NIBAN1: variants seen among roughly 807,000 people sequenced by gnomAD.
NIBAN1 encodes protein Niban 1.
In NIBAN1, 81 loss-of-function variants were observed where a neutral mutation model predicts 75.1. That is an observed-to-expected ratio of 1.08 (90% CI 0.90 to 1.30). NIBAN1 has a LOEUF of 1.30. Ranked by LOEUF, NIBAN1 falls within the 50% of genes most tolerant of loss-of-function variation. The pLI is 0.00. For synonymous variants in NIBAN1, 436 were observed against 424.8 expected, an observed-to-expected ratio of 1.03 and a Z score of -0.32; for missense variants, 1,133 against 1,128.1, an observed-to-expected ratio of 1.00 and a Z score of -0.06.
chr1:184,970,449 C>T (rs551739345), intron 1 of NIBAN1, among the ~76,000 whole-genome samples: 84 of 152,320 alleles, frequency 5.5e-4, no homozygotes, highest in African/African-American at 1.9e-3. Context: ...TCTCCCCATC[C>T]TCCACCTTGC....
At chr1:184,915,825 T>C (rs1407457298) in intron 1 of NIBAN1, among the ~76,000 whole-genome samples, 1 of 152,228 alleles carries the variant, frequency 6.6e-6, no homozygotes, top group African/African-American at 2.4e-5. Flanking sequence ...AAAGGCTTCC[T>C]TAATGTCAGG....
At chr1:184,947,685 G>T (rs1053671709) in intron 1 of NIBAN1, among the ~76,000 whole-genome samples, 4 of 152,254 alleles carry the variant, frequency 2.6e-5, no homozygotes, top group African/African-American at 9.6e-5. Context: ...GCCAGAGAGA[G>T]CTGGCTGGGC....
chr1:184,930,997 C>CTT lies in NIBAN1; in HGVS notation c.56-31690_56-31689dup, dbSNP rs200932673. Among the ~76,000 whole-genome samples the CTT allele has an allele frequency of 3.9e-4, 45 of 114,516 alleles. 1 individual carries two copies. The highest frequency in any genetic ancestry group is 1.5e-3 in the South Asian group (6 of 4,070). 75.1% of individuals were successfully genotyped at this position (114,516 alleles called of 152,430 possible). ...GTTTCTAAGTGCACTTTTTCTTCTT[C>CTT]TTTTTTTTTTTTTTTTTTTTGAGAC... On this transcript the variant is annotated intron_variant, in intron 1 of 13. Coordinates refer to ENST00000367511, the MANE Select transcript of NIBAN1 (RefSeq NM_052966.4).
chr1:184,841,594 G>A (rs184800465), intron 5 of NIBAN1, among the ~76,000 whole-genome samples: 198 of 152,342 alleles, frequency 1.3e-3, no homozygotes, highest in African/African-American at 4.5e-3. Context: ...TTATCTATAC[G>A]AAGATCTTCA....
At chr1:184,807,275 G>A (rs187084710) in intron 10 of NIBAN1, among the ~76,000 whole-genome samples, 1 of 151,130 alleles carries the variant, frequency 6.6e-6, no homozygotes, top group Admixed American at 6.6e-5. Context: ...AATACGGAAG[G>A]AGTTTGTGCT....
chr1:184,902,806 C>CTCTCT (rs1184972544), intron 1 of NIBAN1, among the ~76,000 whole-genome samples: 1 of 152,328 alleles, frequency 6.6e-6, no homozygotes, highest in African/African-American at 2.4e-5. Flanking sequence ...CATTGAGCTT[C>CTCTCT]TCTCTCTGAG....
chr1:184,889,031 T>C (rs1358723861), intron 4 of NIBAN1, among the ~76,000 whole-genome samples: 1 of 152,236 alleles, frequency 6.6e-6, no homozygotes. Context: ...CCATAAATTC[T>C]AATGAAATTA....
At chr1:184,967,680 A>G (rs1658831928) in intron 1 of NIBAN1, among the ~76,000 whole-genome samples, 1 of 152,218 alleles carries the variant, frequency 6.6e-6, no homozygotes, top group African/African-American at 2.4e-5. Flanking sequence ...AGTAGTTACT[A>G]TTACTAGAGC....
chr1:184,794,887 T>TG lies in NIBAN1; in HGVS notation c.*89_*90insC. The TG allele has an allele frequency of 1.3e-6, 2 of 1,567,210 alleles. No individual in the cohort carries two copies. The highest frequency in any genetic ancestry group is 1.7e-6 in the Non-Finnish European group (2 of 1,151,084). On this transcript the variant is annotated 3_prime_UTR_variant, in exon 14 of 14. Transcript: ENST00000367511. ...TCAAATTAAGAAAATACTTAAAAAT[T>TG]TTTTGGTAACAGCTTGCATGCAACC...
intron 5 of NIBAN1, among the ~76,000 whole-genome samples, chr1:184,872,985 C>T (rs183986582): frequency 1.6e-4 from 25 of 152,148 alleles, no homozygotes; most frequent in Non-Finnish European, 4.4e-5. Context: ...GGAAAGAAAG[C>T]AATCAAATTA....
chr1:184,921,433 G>A (rs780918683), intron 1 of NIBAN1, among the ~76,000 whole-genome samples: 12 of 152,180 alleles, frequency 7.9e-5, no homozygotes, highest in Non-Finnish European at 1.6e-4. Context: ...CAGCTGAGCA[G>A]AGAAGAAAGA....
intron 1 of NIBAN1, among the ~76,000 whole-genome samples, chr1:184,937,015 A>G (rs1399984967): frequency 1.3e-5 from 2 of 151,964 alleles, no homozygotes; most frequent in African/African-American, 4.8e-5. Context: ...CTTTCCTCCT[A>G]TGCTCCTTTC....
At chr1:184,926,815 A>G (rs1043482962) in intron 1 of NIBAN1, among the ~76,000 whole-genome samples, 18 of 152,002 alleles carry the variant, frequency 1.2e-4, no homozygotes, top group East Asian at 3.9e-4. Flanking sequence ...TTTTGAGGCT[A>G]TTTTCTAGAT....
rs1303494520 is a variant in NIBAN1, at chr1:184,794,261, T to C, written c.*716A>G. 1.3e-5 allele frequency: 2 copies of C among 153,658 alleles called. No homozygotes were observed. The highest frequency in any genetic ancestry group is 2.9e-5 in the Non-Finnish European group (2 of 69,210). 9.5% of individuals were successfully genotyped at this position (153,658 alleles called of 1,614,324 possible). A position where few individuals can be genotyped will look rare whatever the true frequency, so the allele number is the denominator to read the frequency against. On this transcript the variant is annotated 3_prime_UTR_variant, in exon 14 of 14. Transcript: ENST00000367511. Reference sequence around the variant, plus strand: ...ATGCTTTCAGTCTTACCCAGGCCAATAAAATTTTCTTGCCTCATCTGAATT... The same window carrying C: ...ATGCTTTCAGTCTTACCCAGGCCAACAAAATTTTCTTGCCTCATCTGAATT...
At chr1:184,841,767 C>T (rs1655293299) in intron 5 of NIBAN1, among the ~76,000 whole-genome samples, 1 of 152,168 alleles carries the variant, frequency 6.6e-6, no homozygotes, top group Non-Finnish European at 1.5e-5. Flanking sequence ...AAAATTTCCC[C>T]TAGAAAGGAA....
intron 1 of NIBAN1, among the ~76,000 whole-genome samples, chr1:184,903,671 T>C (rs1340993463): frequency 1.3e-5 from 2 of 151,100 alleles, no homozygotes; most frequent in Non-Finnish European, 2.9e-5. Flanking sequence ...TCACCAGAAG[T>C]AGATGCCAGC....
chr1:184,860,153 T>C (rs112368345), intron 5 of NIBAN1, among the ~76,000 whole-genome samples: 18 of 151,664 alleles, frequency 1.2e-4, no homozygotes, highest in African/African-American at 4.1e-4. Context: ...ATCAAAGCCA[T>C]AGGACTAATA....
At chr1:184,881,124 C>CAG (rs1014199283) in intron 5 of NIBAN1, among the ~76,000 whole-genome samples, 81 of 152,186 alleles carry the variant, frequency 5.3e-4, no homozygotes, top group African/African-American at 1.9e-3. Flanking sequence ...CACACACACA[C>CAG]ACAACCTTTA....
At chr1:184,941,713 G>C (rs555209886) in intron 1 of NIBAN1, among the ~76,000 whole-genome samples, 1 of 152,066 alleles carries the variant, frequency 6.6e-6, no homozygotes, top group African/African-American at 2.4e-5. Context: ...ATACCTGGGG[G>C]TGTGAGATGG....
Sources: gnomAD v4.1 joint callset for allele counts (sites outside exome capture counted in the v4.1 genomes callset) on GRCh38, gnomAD v4.1.1 for gene constraint, MANE v1.5 for transcripts, NCBI Gene and HGNC (gene_info 2026-07-23, HGNC 2026-07-21) for gene names.